The following TBC1D22A variants were observed in gnomAD, a reference collection of about 807,000 sequenced individuals.
TBC1D22A encodes putative GTPase activator.
In TBC1D22A, 38 loss-of-function variants were observed where a neutral mutation model predicts 60.2. That is an observed-to-expected ratio of 0.63 (90% CI 0.49 to 0.83). The LOEUF (loss-of-function observed/expected upper bound fraction) is 0.83, where lower values mean the gene tolerates loss of function less well. TBC1D22A is among the 40% of genes least tolerant of loss of function. The pLI is 0.00. For synonymous variants in TBC1D22A, 302 were observed against 281.7 expected (o/e 1.07, Z -0.72); for missense variants, 628 against 701.0 (o/e 0.90, Z 1.18).
intron 8 of TBC1D22A, among the ~76,000 whole-genome samples, chr22:46,922,003 T>TACAG (rs1026194218): frequency 2.6e-5 from 4 of 152,222 alleles, no homozygotes; most frequent in Admixed American, 1.3e-4. Flanking sequence ...TACATTATCT[T>TACAG]ACAGGATGTT....
intron 12 of TBC1D22A, among the ~76,000 whole-genome samples, chr22:47,112,284 G>A (rs2065878766): frequency 6.6e-6 from 1 of 152,228 alleles, no homozygotes; most frequent in African/African-American, 2.4e-5. Flanking sequence ...GGGCTGGGAA[G>A]TCCTTCTGCC....
chr22:46,923,605 C>T (rs777914052), intron 8 of TBC1D22A, among the ~76,000 whole-genome samples: 24 of 152,376 alleles, frequency 1.6e-4, no homozygotes, highest in Middle Eastern at 6.8e-3. Flanking sequence ...GGGTGCGGGG[C>T]ACTTGCCCGC....
At chr22:47,091,286 AGGC>A in intron 11 of TBC1D22A, among the ~76,000 whole-genome samples, 1 of 81,138 alleles carries the variant, frequency 1.2e-5, no homozygotes, top group African/African-American at 5.8e-5. Context: ...TGATAGAGAC[AGGC>A]ACGAGAAGTC....
At chr22:46,989,663 T>G (rs1223766928) in intron 9 of TBC1D22A, among the ~76,000 whole-genome samples, 2 of 151,820 alleles carry the variant, frequency 1.3e-5, no homozygotes, top group South Asian at 4.2e-4. Flanking sequence ...AAAACAATTA[T>G]GATAGTAACA....
In TBC1D22A at chr22:46,766,945, A is replaced by G. The variant is rs148244394; in HGVS notation, c.62+4097A>G. ...TTCTCCCTGGTATGTGCTTGCTTTC[A>G]CTAGTGAGATCCACAGGTTTAGGAA... On this transcript the variant is annotated intron_variant, in intron 1 of 12. Transcript: ENST00000337137. Among the ~76,000 whole-genome samples, 60 of 152,190 alleles carry G rather than the reference A, an allele frequency of 3.9e-4. 1 individual carries two copies. The highest frequency in any genetic ancestry group is 1.4e-3 in the African/African-American group (57 of 41,516).
chr22:46,955,552 T>C (rs1343846873), intron 8 of TBC1D22A, among the ~76,000 whole-genome samples: 1 of 152,232 alleles, frequency 6.6e-6, no homozygotes, highest in South Asian at 2.1e-4. Context: ...CCATTTCTTA[T>C]GTTCGGGAAG....
intron 11 of TBC1D22A, among the ~76,000 whole-genome samples, chr22:47,063,749 T>C (rs932180095): frequency 1.3e-5 from 2 of 152,132 alleles, no homozygotes; most frequent in Non-Finnish European, 2.9e-5. Context: ...CTCTGGAAGC[T>C]TCGAGGGAGA....
At chr22:47,032,509 A>AAC in intron 10 of TBC1D22A, among the ~76,000 whole-genome samples, 1 of 152,000 alleles carries the variant, frequency 6.6e-6, no homozygotes, top group South Asian at 2.1e-4. Flanking sequence ...AGTGGCCGCG[A>AAC]ACACACACCC....
chr22:47,093,127 C>T (rs1227014369), intron 11 of TBC1D22A, among the ~76,000 whole-genome samples: 1 of 152,176 alleles, frequency 6.6e-6, no homozygotes, highest in Admixed American at 6.5e-5. Flanking sequence ...TTTGACAGAG[C>T]AGCATTGAAA....
intron 4 of TBC1D22A, among the ~76,000 whole-genome samples, chr22:46,820,128 C>A (rs895514605): frequency 1.8e-4 from 27 of 152,162 alleles, no homozygotes; most frequent in Admixed American, 1.8e-3. Context: ...TCTTCTCTCC[C>A]TTTTTCTTTA....
intron 11 of TBC1D22A, among the ~76,000 whole-genome samples, chr22:47,098,596 C>T (rs746206152): frequency 8.6e-5 from 13 of 151,888 alleles, no homozygotes; most frequent in Non-Finnish European, 1.8e-4. Flanking sequence ...GGGGAAGGGC[C>T]AGGTGAGGCA....
intron 8 of TBC1D22A, among the ~76,000 whole-genome samples, chr22:46,953,849 T>C (rs920508853): frequency 2.0e-5 from 3 of 152,224 alleles, no homozygotes; most frequent in African/African-American, 7.2e-5. Context: ...TAGCTGTGCA[T>C]GTGTGTGATT....
intron 6 of TBC1D22A, among the ~76,000 whole-genome samples, chr22:46,893,686 T>C (rs1471434431): frequency 6.6e-6 from 1 of 152,218 alleles, no homozygotes; most frequent in Non-Finnish European, 1.5e-5. Context: ...TTGTCCCTGC[T>C]GGCACCTGGG....
chr22:46,790,819 A>G (rs1431183868), intron 1 of TBC1D22A, among the ~76,000 whole-genome samples: 3 of 152,036 alleles, frequency 2.0e-5, no homozygotes, highest in Non-Finnish European at 4.4e-5. Context: ...TGTGTGCTTT[A>G]TGTCCCAAGC....
intron 8 of TBC1D22A, among the ~76,000 whole-genome samples, chr22:46,958,194 G>A (rs1340389554): frequency 6.6e-6 from 1 of 152,176 alleles, no homozygotes; most frequent in African/African-American, 2.4e-5. Context: ...ACCCTGCTCT[G>A]GCGGTTGTGA....
chr22:46,965,096 G>A (rs1402848630), intron 8 of TBC1D22A, among the ~76,000 whole-genome samples: 1 of 152,236 alleles, frequency 6.6e-6, no homozygotes, highest in Admixed American at 6.5e-5. Flanking sequence ...TTGCTGGAGC[G>A]GTCAGTGAAC....
intron 4 of TBC1D22A, among the ~76,000 whole-genome samples, chr22:46,848,240 C>G (rs1183289189): frequency 6.6e-6 from 1 of 152,202 alleles, no homozygotes; most frequent in Admixed American, 6.5e-5. Flanking sequence ...GTCAGAAGAG[C>G]CCCAGAAGTA....
At chr22:47,021,825 T>C (rs896390165) in intron 10 of TBC1D22A, among the ~76,000 whole-genome samples, 5 of 152,230 alleles carry the variant, frequency 3.3e-5, no homozygotes, top group Admixed American at 2.0e-4. Context: ...CCCGCCCCAG[T>C]GCTGGGGTTC....
chr22:47,108,040 C>T (rs2065700090), intron 11 of TBC1D22A, among the ~76,000 whole-genome samples: 1 of 152,154 alleles, frequency 6.6e-6, no homozygotes, highest in South Asian at 2.1e-4. Context: ...TTAAAACCCA[C>T]GATCTTCAAA....
Sources: allele counts gnomAD v4.1 joint callset (sites outside exome capture counted in the v4.1 genomes callset), GRCh38; gene constraint gnomAD v4.1.1; transcripts MANE v1.5; gene names NCBI Gene and HGNC (gene_info 2026-07-23, HGNC 2026-07-21).